Variants in NLGN1 observed in about 807,000 individuals in gnomAD.
The protein encoded by NLGN1 is neuroligin 1, also known as neuroligin-1.
Under a neutral mutation model 65.5 loss-of-function variants are expected in NLGN1, and 12 were observed. The observed-to-expected ratio is 0.18, with a 90% CI of 0.12 to 0.30. NLGN1 has a LOEUF of 0.30. NLGN1 is among the 10% of genes least tolerant of loss of function. The pLI is 1.00. For missense variants in NLGN1, 750 were observed against 1,007.1 expected, an observed-to-expected ratio of 0.74 and a Z score of 3.46; for synonymous variants, 350 against 359.5, an observed-to-expected ratio of 0.97 and a Z score of 0.30.
chr3:173,493,374 C>T (rs1729493350), intron 2 of NLGN1, among the ~76,000 whole-genome samples: 1 of 151,758 alleles, frequency 6.6e-6, no homozygotes, highest in African/African-American at 2.4e-5. Context: ...CTAATTTCAG[C>T]AAGCAATAAT....
chr3:174,063,798 T>C (rs1737904106), intron 4 of NLGN1, among the ~76,000 whole-genome samples: 1 of 152,156 alleles, frequency 6.6e-6, no homozygotes, highest in Admixed American at 6.6e-5. Context: ...ATGTATTGCA[T>C]TAGTCTTTTA....
intron 2 of NLGN1, among the ~76,000 whole-genome samples, chr3:173,467,557 TG>T (rs1158597191): frequency 6.6e-6 from 1 of 152,168 alleles, no homozygotes; most frequent in Admixed American, 6.5e-5. Flanking sequence ...CCCATCTCTC[TG>T]TATTCCTTGT....
rs928074998 is a variant in NLGN1, at chr3:173,734,470, C to T, written c.494-73210C>T. ...GAAGTGCAGTGGCTCAATCATAGCT[C>T]ATTGTAGCCTCAAACCCCTGGGCTC... On this transcript the variant is annotated intron_variant, in intron 3 of 6. Coordinates refer to ENST00000457714, the Ensembl canonical transcript of NLGN1. Among the ~76,000 whole-genome samples the T allele has an allele frequency of 2.3e-5, 3 of 129,896 alleles. No homozygotes were observed. The Admixed American group carries it at 2.8e-4, about 12-fold the overall frequency. The allele number at this position is 129,896 out of a possible 152,430, so 85.2% of individuals were successfully genotyped here.
chr3:174,280,361 G>A lies in NLGN1; in HGVS notation c.1650-120G>A, dbSNP rs1577794519. ...TATTTCTAAATTGACCCAAATTAATGTTAAAACACAATCTAAAGCATTGCT... is the reference window on the plus strand; with the variant it reads ...TATTTCTAAATTGACCCAAATTAATATTAAAACACAATCTAAAGCATTGCT... On this transcript the variant is annotated intron_variant, in intron 6 of 6. Coordinates refer to ENST00000457714, the Ensembl canonical transcript of NLGN1. This position sits in a 1 kb window ranked among gnomAD's most constrained non-coding sequence, Gnocchi z 4.9. 5.6e-6 allele frequency: 4 copies of A among 718,400 alleles called. No individual in the cohort carries two copies. In the East Asian group the frequency reaches 1.1e-4, roughly 20 times the overall value. 44.5% of individuals were successfully genotyped at this position (718,400 alleles called of 1,614,324 possible).
chr3:173,820,385 AG>A (rs760153979), intron 4 of NLGN1, among the ~76,000 whole-genome samples: 4 of 152,112 alleles, frequency 2.6e-5, no homozygotes, highest in Admixed American at 2.0e-4. Context: ...GCTCAGCATG[AG>A]GTAAGTGAAA....
intron 4 of NLGN1, among the ~76,000 whole-genome samples, chr3:173,879,461 A>G (rs1455757349): frequency 1.3e-5 from 2 of 152,130 alleles, no homozygotes; most frequent in East Asian, 1.9e-4. Flanking sequence ...AATAGTTTCT[A>G]TATCGCAGCT....
intron 2 of NLGN1, among the ~76,000 whole-genome samples, chr3:173,576,351 C>T (rs1320834803): frequency 2.0e-5 from 3 of 151,882 alleles, no homozygotes; most frequent in East Asian, 3.9e-4. Context: ...ATAACAAATT[C>T]CCACAAATTT....
At chr3:174,181,424 G>T (rs1363457179) in intron 4 of NLGN1, among the ~76,000 whole-genome samples, 1 of 152,054 alleles carries the variant, frequency 6.6e-6, no homozygotes, top group Non-Finnish European at 1.5e-5. Context: ...CTCCTCAGGG[G>T]CACAGAGCCC....
At chr3:173,445,281 A>AC (rs1407234235) in intron 2 of NLGN1, among the ~76,000 whole-genome samples, 12 of 150,392 alleles carry the variant, frequency 8.0e-5, no homozygotes, top group African/African-American at 2.7e-4. Flanking sequence ...AAAAAAAAAA[A>AC]AAAAAAAAAA....
intron 2 of NLGN1, among the ~76,000 whole-genome samples, chr3:173,478,162 A>C (rs188033633): frequency 2.0e-5 from 3 of 152,244 alleles, no homozygotes; most frequent in African/African-American, 7.2e-5. Context: ...CCAAATGCCC[A>C]TAAATGATAG....
At chr3:173,502,747 A>T (rs1731359031) in intron 2 of NLGN1, among the ~76,000 whole-genome samples, 1 of 152,100 alleles carries the variant, frequency 6.6e-6, no homozygotes, top group African/African-American at 2.4e-5. Flanking sequence ...GACGGCACAA[A>T]TCACTGAATT....
At chr3:173,623,098 A>G (rs1254042092) in intron 3 of NLGN1, among the ~76,000 whole-genome samples, 1 of 152,076 alleles carries the variant, frequency 6.6e-6, no homozygotes, top group African/African-American at 2.4e-5. Flanking sequence ...GTTTTTTTTC[A>G]TAATCATTCG....
At chr3:173,909,450 C>CCAGGCA (rs1395681774) in intron 4 of NLGN1, among the ~76,000 whole-genome samples, 12 of 152,104 alleles carry the variant, frequency 7.9e-5, no homozygotes, top group African/African-American at 2.9e-4. Context: ...GTATCCTATG[C>CCAGGCA]CAGGCACAGT....
chr3:174,175,151 A>T (rs1211603445), intron 4 of NLGN1, among the ~76,000 whole-genome samples: 1 of 152,054 alleles, frequency 6.6e-6, no homozygotes, highest in Non-Finnish European at 1.5e-5. Context: ...TATTAGGTTC[A>T]TATATTTTAT....
chr3:174,094,388 C>A (rs1233606712), intron 4 of NLGN1, among the ~76,000 whole-genome samples: 1 of 151,974 alleles, frequency 6.6e-6, no homozygotes, highest in Non-Finnish European at 1.5e-5. Flanking sequence ...GCCTGGTGGG[C>A]CGCATGTGAC....
At chr3:174,269,364 C>T (rs750602273) in intron 4 of NLGN1, among the ~76,000 whole-genome samples, 12 of 151,760 alleles carry the variant, frequency 7.9e-5, no homozygotes, top group Non-Finnish European at 4.4e-5. Context: ...TCTTGGTAAC[C>T]ACCTTTCTAA....
chr3:173,488,572 A>AG (rs1420192968), intron 2 of NLGN1, among the ~76,000 whole-genome samples: 1 of 152,118 alleles, frequency 6.6e-6, no homozygotes, highest in African/African-American at 2.4e-5. Flanking sequence ...GGTAACCACT[A>AG]GTTTTCCTGG....
chr3:173,641,454 G>A (rs1018250896), intron 3 of NLGN1, among the ~76,000 whole-genome samples: 18 of 152,154 alleles, frequency 1.2e-4, no homozygotes, highest in African/African-American at 3.6e-4. Flanking sequence ...GTGCCACCAC[G>A]CCCAGCTAAT....
chr3:174,059,454 A>C (rs1736912936), intron 4 of NLGN1, among the ~76,000 whole-genome samples: 1 of 152,128 alleles, frequency 6.6e-6, no homozygotes, highest in South Asian at 2.1e-4. Flanking sequence ...CAAAGGAGTT[A>C]AGTAATCAAA....
Sources: allele counts gnomAD v4.1 joint callset (sites outside exome capture counted in the v4.1 genomes callset), GRCh38; gene constraint gnomAD v4.1.1; non-coding constraint Gnocchi (gnomAD v3.1); transcripts MANE v1.5; gene names NCBI Gene and HGNC (gene_info 2026-07-23, HGNC 2026-07-21).